The following RPS6KA2 variants were observed in gnomAD, a reference collection of about 807,000 sequenced individuals.
The protein encoded by RPS6KA2 is ribosomal protein S6 kinase alpha-2.
In RPS6KA2, 42 loss-of-function variants were observed where a neutral mutation model predicts 91.8. The ratio of observed to expected loss-of-function variants is 0.46; its 90% CI spans 0.36 to 0.59. The LOEUF is 0.59. RPS6KA2 is among the 20% of genes least tolerant of loss of function. RPS6KA2 has a pLI of 0.00. For synonymous variants in RPS6KA2, 414 were observed against 393.6 expected (o/e 1.05, Z -0.61); for missense variants, 798 against 978.5 (o/e 0.82, Z 2.46).
chr6:166,769,516 T>C (rs1415947733), intron 2 of RPS6KA2, among the ~76,000 whole-genome samples: 1 of 152,198 alleles, frequency 6.6e-6, no homozygotes, highest in Non-Finnish European at 1.5e-5. Context: ...TTAACTGAAA[T>C]AGTCAGAACC....
intron 2 of RPS6KA2, among the ~76,000 whole-genome samples, chr6:166,723,559 C>T (rs1475053924): frequency 6.6e-6 from 1 of 152,152 alleles, no homozygotes; most frequent in Non-Finnish European, 1.5e-5. Flanking sequence ...AATAACAATA[C>T]GTAAATACAA....
intron 1 of RPS6KA2, among the ~76,000 whole-genome samples, chr6:166,609,225 C>T (rs1786069784): frequency 2.0e-5 from 3 of 152,232 alleles, no homozygotes; most frequent in African/African-American, 7.2e-5. Context: ...GGAGGTACTA[C>T]AGAGATGAAG....
chr6:166,654,441 G>A (rs1787947871), intron 2 of RPS6KA2, among the ~76,000 whole-genome samples: 1 of 152,138 alleles, frequency 6.6e-6, no homozygotes, highest in South Asian at 2.1e-4. Flanking sequence ...AATTCTAGCA[G>A]ATACTTCACC....
chr6:166,648,248 AGG>A lies in RPS6KA2; in HGVS notation c.124-109466_124-109465del, dbSNP rs1271820468. On this transcript the variant is annotated intron_variant, in intron 2 of 21. Coordinates refer to the RPS6KA2 transcript ENST00000503859. This position sits in a 1 kb window ranked among gnomAD's most constrained non-coding sequence, Gnocchi z 4.8. Reference sequence around the variant, plus strand: ...CATGCGCACACACACACATTCACACAGGCACACACACTCATGTTCATACACAC... The same window carrying A: ...CATGCGCACACACACACATTCACACACACACACACTCATGTTCATACACAC... Among the ~76,000 whole-genome samples the A allele has an allele frequency of 7.5e-5, 9 of 119,900 alleles. No homozygotes were observed. The highest frequency in any genetic ancestry group is 2.3e-4 in the African/African-American group (8 of 34,284). The allele number at this position is 119,900 out of a possible 152,430, so 78.7% of individuals were successfully genotyped here. A position where few individuals can be genotyped will look rare whatever the true frequency, so the allele number is the denominator to read the frequency against.
intron 2 of RPS6KA2, among the ~76,000 whole-genome samples, chr6:166,644,883 A>G (rs1787558041): frequency 6.6e-6 from 1 of 152,236 alleles, no homozygotes; most frequent in Non-Finnish European, 1.5e-5. Context: ...AGACACATAC[A>G]CACAGAGGAA....
chr6:166,626,899 G>C lies in RPS6KA2; in HGVS notation c.99+22C>G, dbSNP rs1211993715. The C allele has an allele frequency of 6.8e-7, 1 of 1,472,456 alleles. No homozygotes were observed. Among genetic ancestry groups the C allele is most frequent in the Non-Finnish European group, 9.1e-7 (1 of 1,104,940 alleles). The allele number at this position is 1,472,456 out of a possible 1,614,324, so 91.2% of individuals were successfully genotyped here. A position where few individuals can be genotyped will look rare whatever the true frequency, so the allele number is the denominator to read the frequency against. On this transcript the variant is annotated intron_variant, in intron 1 of 20. Transcript: ENST00000265678. The surrounding 1 kb of genome is among the most constrained non-coding windows in gnomAD (Gnocchi z 4.1). Reference sequence around the variant, plus strand: ...CCCGCTCAGTGCCCGGCACCTGCGCGCCCCGAGGGCGGCCGCATTACCTCG... The same window carrying C: ...CCCGCTCAGTGCCCGGCACCTGCGCCCCCCGAGGGCGGCCGCATTACCTCG...
Position 166,448,805 on chromosome 6 carries a change from G to A in RPS6KA2, c.1251C>T (p.Ile417=). Residue 417 remains isoleucine (I), a synonymous_variant, in exon 14 of 21, where the codon ATC becomes ATT. Coordinates refer to ENST00000265678, the MANE Select transcript of RPS6KA2 (RefSeq NM_021135.6). The surrounding 1 kb of genome is among the most constrained non-coding windows in gnomAD (Gnocchi z 4.7). ...NNIHFTDGYE[I]KEDIGVGSYS... ...AGGAGCCCACCCCGATGTCCTCCTT[G>A]ATCTCGTAGCCATCGGTGAAGTGGA... 6.2e-7 allele frequency: 1 copy of A among 1,613,778 alleles called. No homozygotes were observed. Among genetic ancestry groups the A allele is most frequent in the Non-Finnish European group, 8.5e-7 (1 of 1,179,898 alleles).
At chr6:166,619,168 G>A (rs72503823) in intron 1 of RPS6KA2, among the ~76,000 whole-genome samples, 22,553 of 152,178 alleles carry the variant, frequency 0.15, 1,712 homozygotes, top group Non-Finnish European at 0.17. Context: ...CACACATCAT[G>A]ATCCATGCGT....
At chr6:166,833,186 A>C (rs575383409) in intron 2 of RPS6KA2, among the ~76,000 whole-genome samples, 2 of 152,246 alleles carry the variant, frequency 1.3e-5, no homozygotes, top group Non-Finnish European at 2.9e-5. Context: ...AAAAGGCCAA[A>C]GTGGTGAAAT....
At chr6:166,752,706 C>T (rs1279131667) in intron 2 of RPS6KA2, among the ~76,000 whole-genome samples, 1 of 152,150 alleles carries the variant, frequency 6.6e-6, no homozygotes. Context: ...AGGAAAAGCA[C>T]GGATCACAAC....
chr6:166,511,607 C>T (rs796391206), intron 3 of RPS6KA2, among the ~76,000 whole-genome samples: 39 of 152,318 alleles, frequency 2.6e-4, no homozygotes, highest in South Asian at 2.5e-3. Context: ...TATCCGGGAC[C>T]TCACACAGCC....
intron 2 of RPS6KA2, among the ~76,000 whole-genome samples, chr6:166,816,436 T>A (rs1392468505): frequency 4.0e-5 from 6 of 148,202 alleles, no homozygotes; most frequent in Admixed American, 6.7e-5. Flanking sequence ...ACACCTGTGA[T>A]CCCAGCTACT....
At chr6:166,817,472 A>T (rs1739090812) in intron 2 of RPS6KA2, among the ~76,000 whole-genome samples, 1 of 152,134 alleles carries the variant, frequency 6.6e-6, no homozygotes, top group South Asian at 2.1e-4. Flanking sequence ...CTCCATGTAA[A>T]TTTTAAAACC....
chr6:166,465,126 G>T (rs1459357540), intron 11 of RPS6KA2, among the ~76,000 whole-genome samples: 1 of 151,030 alleles, frequency 6.6e-6, no homozygotes, highest in East Asian at 1.9e-4. Flanking sequence ...AAGTACCCAG[G>T]CAGAAATCTA....
intron 2 of RPS6KA2, among the ~76,000 whole-genome samples, chr6:166,855,195 G>T (rs534478407): frequency 5.3e-5 from 8 of 152,304 alleles, no homozygotes; most frequent in Middle Eastern, 3.4e-3. Flanking sequence ...GCGTGGGAGT[G>T]GGGGCGAGGA....
intron 3 of RPS6KA2, among the ~76,000 whole-genome samples, chr6:166,516,892 A>C (rs184047310): frequency 4.9e-4 from 75 of 152,356 alleles, no homozygotes; most frequent in African/African-American, 1.8e-3. Flanking sequence ...ATCTCCTTGC[A>C]AAGCTTGATC....
chr6:166,862,178 C>T (rs750931896), exon 1 of RPS6KA2: 7 of 1,614,176 alleles, frequency 4.3e-6, no homozygotes, highest in Non-Finnish European at 5.9e-6. Context: ...CATTTTTAAA[C>T]TTTCCTTTTC....
chr6:166,823,280 A>C (rs1321412026), intron 2 of RPS6KA2, among the ~76,000 whole-genome samples: 2 of 152,272 alleles, frequency 1.3e-5, no homozygotes, highest in African/African-American at 4.8e-5. Context: ...ATGAGACTTA[A>C]GAGGTGTGTC....
intron 2 of RPS6KA2, among the ~76,000 whole-genome samples, chr6:166,790,415 T>G (rs1267500985): frequency 6.6e-6 from 1 of 152,118 alleles, no homozygotes; most frequent in Non-Finnish European, 1.5e-5. Context: ...ATGGGGAGAA[T>G]GGAACCAAGT....
Sources: allele counts gnomAD v4.1 joint callset (sites outside exome capture counted in the v4.1 genomes callset), GRCh38; gene constraint gnomAD v4.1.1; non-coding constraint Gnocchi (gnomAD v3.1); transcripts MANE v1.5; gene names NCBI Gene and HGNC (gene_info 2026-07-23, HGNC 2026-07-21).